Variants in RYR3 observed in about 807,000 individuals in gnomAD.
RYR3 encodes the protein ryanodine receptor 3, also known as brain ryanodine receptor-calcium release channel.
Under a neutral mutation model 584.3 loss-of-function variants are expected in RYR3, and 207 were observed. The ratio of observed to expected loss-of-function variants is 0.35; its 90% CI spans 0.32 to 0.40. RYR3 has a LOEUF of 0.40. RYR3 is among the 10% of genes least tolerant of loss of function. The pLI is 1.00. For synonymous variants in RYR3, 2,416 were observed against 2,248.5 expected, an observed-to-expected ratio of 1.07 and a Z score of -2.11; for missense variants, 5,616 against 6,089.2, an observed-to-expected ratio of 0.92 and a Z score of 2.59.
At chr15:33,455,775 A>G (rs1241974439) in intron 1 of RYR3, among the ~76,000 whole-genome samples, 1 of 152,196 alleles carries the variant, frequency 6.6e-6, no homozygotes, top group African/African-American at 2.4e-5. Context: ...TTAGATACAA[A>G]TGTCTACCTT....
intron 52 of RYR3, among the ~76,000 whole-genome samples, chr15:33,743,844 A>C (rs886336886): frequency 6.6e-6 from 1 of 152,234 alleles, no homozygotes; most frequent in African/African-American, 2.4e-5. Context: ...ATTTCAGTAC[A>C]CAAATTGAAT....
At chr15:33,325,073 T>G (rs1969499253) in intron 1 of RYR3, among the ~76,000 whole-genome samples, 1 of 152,230 alleles carries the variant, frequency 6.6e-6, no homozygotes, top group African/African-American at 2.4e-5. Flanking sequence ...ATACGTCTGC[T>G]CTACATATTA....
chr15:33,804,169 C>T (rs542817500), intron 69 of RYR3, among the ~76,000 whole-genome samples: 11 of 152,234 alleles, frequency 7.2e-5, no homozygotes, highest in Admixed American at 5.2e-4. Flanking sequence ...CTTGCTGGTC[C>T]GGTTAGTCTG....
At chr15:33,741,697 T>A (rs1334379936) in intron 51 of RYR3, among the ~76,000 whole-genome samples, 1 of 152,140 alleles carries the variant, frequency 6.6e-6, no homozygotes, top group African/African-American at 2.4e-5. Context: ...CACTGCAAGC[T>A]CCACCTCCTG....
Position 33,771,965 on chromosome 15 carries a change from A to G in RYR3, c.8862A>G (p.Arg2954=). ...SGSELVKAGL[R]AFFENAAEDL... is the part of the protein sequence containing the mutation. ...CAGAGCTGGTGAAGGCTGGGTTACGAGCATTCTTTGAAAATGCTGCAGAAG... is the reference window on the plus strand; with the variant it reads ...CAGAGCTGGTGAAGGCTGGGTTACGGGCATTCTTTGAAAATGCTGCAGAAG... The change falls in exon 63 of 104, where the codon CGA becomes CGG. Residue 2954 remains arginine (R), a synonymous_variant. Coordinates refer to ENST00000634891, the MANE Select transcript of RYR3 (RefSeq NM_001036.6). 6.2e-7 allele frequency: 1 copy of G among 1,613,486 alleles called. No homozygotes were observed. Among genetic ancestry groups the G allele is most frequent in the Non-Finnish European group, 8.5e-7 (1 of 1,179,748 alleles).
rs146797159 is a variant in RYR3, at chr15:33,667,449, A to G, written c.5620-1905A>G. On this transcript the variant is annotated intron_variant, in intron 36 of 103. Transcript: ENST00000634891. ...AAACAAGTACCTGACTTTGACACCAACCAAAATTGCACATTTTTTCATGTC... is the reference window on the plus strand; with the variant it reads ...AAACAAGTACCTGACTTTGACACCAGCCAAAATTGCACATTTTTTCATGTC... 1.5e-3 allele frequency among the ~76,000 whole-genome samples: 230 copies of G among 152,304 alleles called. 1 individual carries two copies. Among genetic ancestry groups the G allele is most frequent in the African/African-American group, 5.2e-3 (216 of 41,572 alleles).
chr15:33,500,432 T>C (rs186515848), intron 2 of RYR3, among the ~76,000 whole-genome samples: 1 of 152,332 alleles, frequency 6.6e-6, no homozygotes, highest in Admixed American at 6.5e-5. Context: ...TATAGATTTA[T>C]GGAGCATGGA....
intron 12 of RYR3, 95 bp from the exon 13 acceptor site, chr15:33,579,881 A>C (rs1049587293): frequency 5.7e-6 from 5 of 879,364 alleles, no homozygotes; most frequent in Non-Finnish European, 8.3e-6. Context: ...CTCATGGTGC[A>C]CCGTGGGGGG....
intron 1 of RYR3, among the ~76,000 whole-genome samples, chr15:33,363,729 A>C (rs1208135035): frequency 6.6e-6 from 1 of 152,192 alleles, no homozygotes; most frequent in Non-Finnish European, 1.5e-5. Context: ...ATTTTTGTTA[A>C]CAGATGGGTT....
intron 2 of RYR3, among the ~76,000 whole-genome samples, chr15:33,482,374 T>C (rs977432544): frequency 5.9e-5 from 9 of 152,180 alleles, no homozygotes; most frequent in African/African-American, 1.9e-4. Context: ...TAACATTTTT[T>C]TCTTTATCTT....
At chr15:33,689,567 T>TTGGAA (rs1408602259) in intron 38 of RYR3, among the ~76,000 whole-genome samples, 2 of 152,186 alleles carry the variant, frequency 1.3e-5, no homozygotes, top group African/African-American at 4.8e-5. Flanking sequence ...CTGGTATCAC[T>TTGGAA]TGGAAGGCCC....
intron 18 of RYR3, among the ~76,000 whole-genome samples, chr15:33,607,280 C>T (rs943241479): frequency 6.6e-6 from 1 of 152,136 alleles, no homozygotes; most frequent in African/African-American, 2.4e-5. Flanking sequence ...TAATAATACA[C>T]CCTGAGGTTA....
At position 33,424,212 on chromosome 15, in the gene RYR3, A is replaced by G. The variant is rs2044439851; in HGVS notation, c.52-49207A>G. On this transcript the variant is annotated intron_variant, in intron 1 of 103. Coordinates refer to ENST00000634891, the MANE Select transcript of RYR3 (RefSeq NM_001036.6). ...GCCACTACTAGCCATGACACTTCAG[A>G]CAAGTCAGTTAATCTCAGTGAACAC... is the stretch of plus-strand genomic sequence containing the variant. 2.6e-5 allele frequency among the ~76,000 whole-genome samples: 4 copies of G among 152,324 alleles called. No homozygotes were observed. The South Asian group carries it at 8.3e-4, about 32-fold the overall frequency.
rs1191660284 is a variant in RYR3, at chr15:33,810,594, T to C, written c.10142T>C (p.Met3381Thr). The change falls in exon 71 of 104, where the codon ATG becomes ACG. Residue 3381 changes from methionine to threonine, a missense_variant. Met to Thr is a moderately conservative substitution (Grantham distance 81). This residue lies in a region of RYR3 where 954 missense variants were observed against 1,132.2 expected (regional missense o/e 0.84). Coordinates refer to ENST00000634891, the MANE Select transcript of RYR3 (RefSeq NM_001036.6). ...AAAATGCTGCCCATTGGTTTGAATA[T>C]GTGTACTCCAGGCGACCAGGAGCTG... ...LKKMLPIGLN[M>T]CTPGDQELIS... is the part of the protein sequence containing the mutation. 8 of 1,614,048 alleles carry C rather than the reference T, an allele frequency of 5.0e-6. No individual in the cohort carries two copies. The highest frequency in any genetic ancestry group is 2.2e-5 in the South Asian group (2 of 91,086).
rs144810852 is a variant in RYR3 at position 33,797,168 on chromosome 15, G to A, written c.9831-3602G>A. ...GGACAATGTGCCTTATTTGAGTGAC[G>A]TGCCATCTCCTCCATATGGCAGAAT... is the stretch of plus-strand genomic sequence containing the variant. On this transcript the variant is annotated intron_variant, in intron 67 of 103. Transcript: ENST00000634891. 2.2e-4 allele frequency among the ~76,000 whole-genome samples: 34 copies of A among 152,214 alleles called. No homozygotes were observed. In the South Asian group the frequency reaches 5.2e-3, roughly 23 times the overall value.
intron 1 of RYR3, among the ~76,000 whole-genome samples, chr15:33,334,003 C>T (rs1005669666): frequency 6.6e-6 from 1 of 152,134 alleles, no homozygotes; most frequent in Non-Finnish European, 1.5e-5. Flanking sequence ...GCAAGGAAAA[C>T]TACAACCACT....
At chr15:33,769,076 G>T (rs368400661) in intron 61 of RYR3, 36 bp from the exon 62 acceptor site, 16 of 1,537,406 alleles carry the variant, frequency 1.0e-5, no homozygotes, top group African/African-American at 1.4e-5. Context: ...AGGCTGAGTG[G>T]TTTGAGGGAA....
chr15:33,592,256 C>T (rs576664048), intron 16 of RYR3, among the ~76,000 whole-genome samples: 19 of 152,170 alleles, frequency 1.2e-4, no homozygotes, highest in Admixed American at 7.9e-4. Flanking sequence ...TTCACCATCC[C>T]CTAAGGGCAG....
intron 10 of RYR3, among the ~76,000 whole-genome samples, chr15:33,558,366 A>G (rs12903555): frequency 0.69 from 102,795 of 147,944 alleles, 37,766 homozygotes; most frequent in Middle Eastern, 0.85. Context: ...TTGTCCTTGC[A>G]ATAGTTTGCT....
Sources: gnomAD v4.1 joint callset for allele counts (sites outside exome capture counted in the v4.1 genomes callset) on GRCh38, gnomAD v4.1.1 for gene constraint, gnomAD v4.1.1 regional missense constraint, MANE v1.5 for transcripts, NCBI Gene and HGNC (gene_info 2026-07-23, HGNC 2026-07-21) for gene names.